CATSPERT: variants seen among roughly 807,000 people sequenced by gnomAD.
CATSPERT encodes catsper channel auxiliary subunit tau, also known as cation channel sperm-associated targeting subunit tau.
chr2:201,523,344 C>T, the CATSPERT span, among the ~76,000 whole-genome samples: 1 of 152,178 alleles, frequency 6.6e-6, no homozygotes, highest in Non-Finnish European at 1.5e-5. Context: ...TGGTGCTAGG[C>T]CCCCAGGGTT....
At chr2:201,522,073 G>C in the CATSPERT span, among the ~76,000 whole-genome samples, 2 of 152,082 alleles carry the variant, frequency 1.3e-5, no homozygotes, top group Non-Finnish European at 2.9e-5. Context: ...CTGAATGGGG[G>C]AAAAACTTTC....
the CATSPERT span, chr2:201,535,084 T>G: frequency 3.2e-6 from 3 of 929,870 alleles, no homozygotes; most frequent in Non-Finnish European, 3.9e-6. Flanking sequence ...TTTCTGTGAC[T>G]GTGCATTACT....
the CATSPERT span, among the ~76,000 whole-genome samples, chr2:201,599,198 TAC>T: frequency 1.3e-5 from 2 of 152,194 alleles, no homozygotes; most frequent in African/African-American, 4.8e-5. Flanking sequence ...CACGTTTTCA[TAC>T]AGTCATACTT....
the CATSPERT span, among the ~76,000 whole-genome samples, chr2:201,601,146 G>C: frequency 6.6e-6 from 1 of 152,078 alleles, no homozygotes; most frequent in Non-Finnish European, 1.5e-5. Context: ...GTTTAATGAA[G>C]TGTGGTCTGA....
At chr2:201,487,861 T>C in the CATSPERT span, 1 of 1,613,520 alleles carries the variant, frequency 6.2e-7, no homozygotes, top group Non-Finnish European at 8.5e-7. Flanking sequence ...GGTGTGTAAA[T>C]GAGGTCATGT....
the CATSPERT span, among the ~76,000 whole-genome samples, chr2:201,505,077 C>A: frequency 6.6e-6 from 1 of 152,080 alleles, no homozygotes; most frequent in South Asian, 2.1e-4. Context: ...TAGCTGGGGG[C>A]TCCCCAAATG....
At chr2:201,553,730 G>A in the CATSPERT span, 2 of 152,114 alleles carry the variant, frequency 1.3e-5, no homozygotes, top group African/African-American at 4.8e-5. Flanking sequence ...TACATCATTA[G>A]CACGACTACT....
the CATSPERT span, among the ~76,000 whole-genome samples, chr2:201,556,358 A>G: frequency 1.3e-5 from 2 of 152,112 alleles, no homozygotes; most frequent in East Asian, 3.9e-4. Context: ...GAACACAAAA[A>G]ATTAGCCAGG....
the CATSPERT span, chr2:201,494,755 T>C: frequency 1.3e-6 from 2 of 1,494,156 alleles, no homozygotes; most frequent in Non-Finnish European, 8.9e-7. Flanking sequence ...GTTGAATTTC[T>C]GAAACTGCAA....
the CATSPERT span, among the ~76,000 whole-genome samples, chr2:201,523,849 C>G: frequency 6.6e-6 from 1 of 152,072 alleles, no homozygotes; most frequent in African/African-American, 2.4e-5. Flanking sequence ...TTTCACAATA[C>G]AATCAGAAGC....
At chr2:201,556,306 G>A in the CATSPERT span, among the ~76,000 whole-genome samples, 1 of 151,926 alleles carries the variant, frequency 6.6e-6, no homozygotes, top group East Asian at 1.9e-4. Context: ...TCAGGAGATC[G>A]AGACCATCCT....
At chr2:201,551,202 A>C in the CATSPERT span, among the ~76,000 whole-genome samples, 1 of 152,224 alleles carries the variant, frequency 6.6e-6, no homozygotes, top group Admixed American at 6.5e-5. Context: ...AAAATGTTTC[A>C]GTTAGTATAT....
the CATSPERT span, among the ~76,000 whole-genome samples, chr2:201,541,531 T>TTATATATATATATATATA: frequency 7.5e-5 from 7 of 92,766 alleles, no homozygotes; most frequent in African/African-American, 1.4e-4. Flanking sequence ...TCAGATGATT[T>TTATATATATATATATATA]TATATATATA....
chr2:201,519,893 A>C, the CATSPERT span, among the ~76,000 whole-genome samples: 1 of 152,128 alleles, frequency 6.6e-6, no homozygotes, highest in Non-Finnish European at 1.5e-5. Flanking sequence ...ATGAATGGAT[A>C]AACATAACAA....
the CATSPERT span, among the ~76,000 whole-genome samples, chr2:201,540,429 G>A: frequency 6.6e-6 from 1 of 152,176 alleles, no homozygotes; most frequent in East Asian, 1.9e-4. Context: ...TCTTGTTAGA[G>A]GCTAATGTAG....
At chr2:201,608,098 T>G in the CATSPERT span, among the ~76,000 whole-genome samples, 4 of 152,236 alleles carry the variant, frequency 2.6e-5, no homozygotes, top group Non-Finnish European at 4.4e-5. Flanking sequence ...TAGCACCTAC[T>G]ACCTGCTGGC....
the CATSPERT span, chr2:201,537,426 T>A: frequency 1.3e-6 from 2 of 1,583,908 alleles, no homozygotes; most frequent in Non-Finnish European, 1.7e-6. Flanking sequence ...TCTCTTCCAA[T>A]TTCCCTTACC....
At chr2:201,539,762 T>A in the CATSPERT span, among the ~76,000 whole-genome samples, 525 of 152,110 alleles carry the variant, frequency 3.5e-3, 4 homozygotes, top group African/African-American at 0.012. Flanking sequence ...ATTAGGCCAT[T>A]AATAACCCCA....
At chr2:201,544,199 T>C in the CATSPERT span, among the ~76,000 whole-genome samples, 1 of 152,206 alleles carries the variant, frequency 6.6e-6, no homozygotes, top group African/African-American at 2.4e-5. Context: ...CATCCTTTTT[T>C]ATGGCTGCAT....
Sources: allele counts gnomAD v4.1 joint callset (sites outside exome capture counted in the v4.1 genomes callset), GRCh38; gene constraint gnomAD v4.1.1; transcripts MANE v1.5; gene names NCBI Gene and HGNC (gene_info 2026-07-23, HGNC 2026-07-21).